Variants in GABRA3 observed in about 807,000 individuals in gnomAD.
GABRA3 encodes gamma-aminobutyric acid receptor subunit alpha-3.
GABRA3 carries 10 observed loss-of-function variants against 30.1 expected under a neutral mutation model. That is an observed-to-expected ratio of 0.33 (90% CI 0.20 to 0.56). The LOEUF (loss-of-function observed/expected upper bound fraction) is 0.56. GABRA3 is among the 20% of genes least tolerant of loss of function. The pLI, the probability that GABRA3 is intolerant of heterozygous loss-of-function variation, is 0.89. For missense variants in GABRA3, 233 were observed against 392.0 expected (o/e 0.59, Z 3.42); for synonymous variants, 151 against 146.8 (o/e 1.03, Z -0.21).
Position 152,231,160 on chromosome X carries a change from C to CATATGTATATATACACAT in GABRA3, c.552-6316_552-6315insATGTGTATATATACATAT, listed in dbSNP as rs1938062763. On this transcript the variant is annotated intron_variant, in intron 5 of 9. Transcript: ENST00000370314. ...AGAAGTGTATATATATATATACACA[C>CATATGTATATATACACAT]ATATATGTATATATACACACATATG... 6.6e-5 allele frequency among the ~76,000 whole-genome samples: 7 copies of CATATGTATATATACACAT among 106,010 alleles called. No individual in the cohort carries two copies. The East Asian group carries it at 1.2e-3, about 18-fold the overall frequency. 92.1% of individuals were successfully genotyped at this position (106,010 alleles called of 115,157 possible).
chrX:152,412,351 T>C (rs992231252), intron 1 of GABRA3, among the ~76,000 whole-genome samples: 4 of 111,587 alleles, frequency 3.6e-5, no homozygotes, highest in African/African-American at 1.3e-4. Context: ...AAACACATGT[T>C]CAAATGAAAA....
At chrX:152,279,464 G>A (rs1441172260) in intron 4 of GABRA3, among the ~76,000 whole-genome samples, 2 of 111,379 alleles carry the variant, frequency 1.8e-5, no homozygotes, top group African/African-American at 3.3e-5. Context: ...TGTTCCATTG[G>A]TCTATATCTC....
At position 152,168,047 on chromosome X, in the gene GABRA3, A is replaced by G. The variant is rs1936957449; in HGVS notation, c.*181T>C. ...GGTTATACTGGGCAATATTGGAGGGACAAGTAATTTTTCTGTAGTTATTTT... is the reference window on the plus strand; with the variant it reads ...GGTTATACTGGGCAATATTGGAGGGGCAAGTAATTTTTCTGTAGTTATTTT... On this transcript the variant is annotated 3_prime_UTR_variant, in exon 10 of 10. Transcript: ENST00000370314. 1 of 445,746 alleles carries G rather than the reference A, an allele frequency of 2.2e-6. No homozygotes were observed. The highest frequency in any genetic ancestry group is 3.9e-6 in the Non-Finnish European group (1 of 257,104). 36.7% of individuals were successfully genotyped at this position (445,746 alleles called of 1,213,427 possible).
intron 6 of GABRA3, among the ~76,000 whole-genome samples, chrX:152,223,755 T>C (rs1757767553): frequency 9.0e-6 from 1 of 110,535 alleles, no homozygotes; most frequent in Admixed American, 9.8e-5. Context: ...ACTTTCAATT[T>C]CAGTGGTAAC....
At chrX:152,178,408 C>A (rs1446760097) in intron 9 of GABRA3, among the ~76,000 whole-genome samples, 1 of 111,343 alleles carries the variant, frequency 9.0e-6, no homozygotes. Flanking sequence ...CAAAGAAATA[C>A]CAAGGGGTGA....
At chrX:152,361,100 A>T (rs1206421189) in intron 2 of GABRA3, among the ~76,000 whole-genome samples, 1 of 107,807 alleles carries the variant, frequency 9.3e-6, no homozygotes, top group Non-Finnish European at 1.9e-5. Context: ...TTAAAAAAAA[A>T]AAAAAAAAGA....
At chrX:152,365,927 A>G (rs1928647247) in intron 1 of GABRA3, among the ~76,000 whole-genome samples, 1 of 111,912 alleles carries the variant, frequency 8.9e-6, no homozygotes, top group South Asian at 3.8e-4. Context: ...AGATTGCACC[A>G]TATGAAATTG....
At chrX:152,418,436 G>T (rs749324431) in intron 1 of GABRA3, among the ~76,000 whole-genome samples, 29 of 111,207 alleles carry the variant, frequency 2.6e-4, no homozygotes, top group Admixed American at 1.5e-3. Flanking sequence ...ATGGTGCAAA[G>T]AAGAAATCCA....
At chrX:152,352,525 T>C (rs1277062332) in intron 2 of GABRA3, among the ~76,000 whole-genome samples, 1 of 110,771 alleles carries the variant, frequency 9.0e-6, no homozygotes, top group Non-Finnish European at 1.9e-5. Context: ...GCATCCTTCA[T>C]TGAGGATCCT....
intron 1 of GABRA3, among the ~76,000 whole-genome samples, chrX:152,419,083 T>C (rs146137888): frequency 0.034 from 3,784 of 109,966 alleles, 166 homozygotes; most frequent in African/African-American, 0.12. Flanking sequence ...TAGGTGGGAA[T>C]TGAACAATGA....
At chrX:152,394,329 C>A (rs1455580982) in intron 1 of GABRA3, 7 of 352,586 alleles carry the variant, frequency 2.0e-5, no homozygotes, top group Non-Finnish European at 3.5e-5. Flanking sequence ...TGTGATTCTT[C>A]TGACAGACAT....
chrX:152,286,041 T>C (rs909727926), intron 3 of GABRA3, among the ~76,000 whole-genome samples: 3 of 104,202 alleles, frequency 2.9e-5, no homozygotes. Context: ...AAGTGAAGTT[T>C]ATAGTATATA....
At chrX:152,267,419 T>A (rs965553757) in intron 4 of GABRA3, among the ~76,000 whole-genome samples, 5 of 111,825 alleles carry the variant, frequency 4.5e-5, no homozygotes, top group African/African-American at 1.6e-4. Flanking sequence ...TTTGCTAGTA[T>A]TTTGTTGAGG....
chrX:152,297,423 C>T (rs1939549834), intron 3 of GABRA3, among the ~76,000 whole-genome samples: 1 of 112,019 alleles, frequency 8.9e-6, no homozygotes, highest in African/African-American at 3.2e-5. Context: ...TTGTAAAGTA[C>T]CAAAACATAT....
At chrX:152,431,528 T>A (rs976630388) in intron 1 of GABRA3, among the ~76,000 whole-genome samples, 4 of 111,974 alleles carry the variant, frequency 3.6e-5, no homozygotes, top group African/African-American at 1.3e-4. Context: ...GGCAGAATAA[T>A]GGCCTTCCAA....
In GABRA3 at chrX:152,208,103, C is replaced by T; in HGVS notation, c.676G>A (p.Gly226Arg). Reference protein sequence around the residue: ...TAEVVYSWTLGKNKSVEVAQD... With the variant: ...TAEVVYSWTLRKNKSVEVAQD... Reference sequence around the variant, plus strand: ...GCCACTTCCACGGATTTGTTCTTTCCGAGAGTCCAAGAATAAACCACTTCA... The same window carrying T: ...GCCACTTCCACGGATTTGTTCTTTCTGAGAGTCCAAGAATAAACCACTTCA... The change falls in exon 7 of 10, where the codon GGA becomes AGA. Residue 226 changes from glycine to arginine, a missense_variant. Gly to Arg is a moderately radical substitution (Grantham distance 125). This residue lies in a region of GABRA3 where 42 missense variants were observed against 116.2 expected (regional missense o/e 0.36). Coordinates refer to ENST00000370314, the MANE Select transcript of GABRA3 (RefSeq NM_000808.4). The T allele has an allele frequency of 8.3e-7, 1 of 1,210,708 alleles. No individual in the cohort carries two copies. The highest frequency in any genetic ancestry group is 1.1e-6 in the Non-Finnish European group (1 of 894,542).
intron 8 of GABRA3, among the ~76,000 whole-genome samples, chrX:152,191,434 G>C (rs1937324367): frequency 1.8e-5 from 2 of 109,456 alleles, no homozygotes; most frequent in South Asian, 4.0e-4. Flanking sequence ...CTGTCCCCCA[G>C]GATTTTGATA....
intron 3 of GABRA3, among the ~76,000 whole-genome samples, chrX:152,313,841 G>A (rs1274439136): frequency 9.0e-6 from 1 of 111,629 alleles, no homozygotes; most frequent in Non-Finnish European, 1.9e-5. Context: ...GGGATGAAGA[G>A]AGGTGTCTTT....
rs149334101 is a variant in GABRA3 at position 152,227,901 on chromosome X, G to A, written c.552-3056C>T. On this transcript the variant is annotated intron_variant, in intron 5 of 9. Transcript: ENST00000370314. ...TCATCTGAGGGTAACGGTCTCCTCA[G>A]GTCCTCAGTAATCTTTAAGTCATAT... Among the ~76,000 whole-genome samples, 670 of 111,202 alleles carry A rather than the reference G, an allele frequency of 6.0e-3. 15 individuals carry two copies. The highest frequency in any genetic ancestry group is 0.021 in the African/African-American group (630 of 30,601).
Sources: allele counts gnomAD v4.1 joint callset (sites outside exome capture counted in the v4.1 genomes callset), GRCh38; gene constraint gnomAD v4.1.1; regional missense constraint gnomAD v4.1.1; transcripts MANE v1.5; gene names NCBI Gene and HGNC (gene_info 2026-07-23, HGNC 2026-07-21).